Variants in HSD17B4 observed in about 807,000 individuals in gnomAD.
The protein encoded by HSD17B4 is peroxisomal multifunctional enzyme type 2.
HSD17B4 carries 70 observed loss-of-function variants against 101.0 expected under a neutral mutation model. The ratio of observed to expected loss-of-function variants is 0.69; its 90% CI spans 0.57 to 0.85. HSD17B4 has a LOEUF of 0.85. Among genes scored for constraint, HSD17B4 ranks in the 40% least tolerant of loss-of-function variants. HSD17B4 has a pLI of 0.00. For missense variants in HSD17B4, 984 were observed against 892.4 expected, an observed-to-expected ratio of 1.10 and a Z score of -1.31; for synonymous variants, 347 against 297.1, an observed-to-expected ratio of 1.17 and a Z score of -1.73.
At chr5:119,527,502 C>T (rs559779197) in intron 20 of HSD17B4, among the ~76,000 whole-genome samples, 1 of 152,054 alleles carries the variant, frequency 6.6e-6, no homozygotes, top group African/African-American at 2.4e-5. Context: ...GAAAACCCAG[C>T]CAACCATGTC....
At position 119,533,530 on chromosome 5, in the gene HSD17B4, A is replaced by G. The variant is rs1236365282; in HGVS notation, c.1993+2126A>G. On this transcript the variant is annotated intron_variant, in intron 22 of 23. Transcript: ENST00000510025. ...GAGGAATGAGAAAGAGTCAAAACTA[A>G]TACTGTGGTTTTGAGCTTGTGTGCT... Among the ~76,000 whole-genome samples the G allele has an allele frequency of 3.3e-5, 5 of 152,106 alleles. No individual in the cohort carries two copies. The East Asian group carries it at 9.6e-4, about 29-fold the overall frequency.
At chr5:119,473,845 C>G (rs1242844220) in intron 2 of HSD17B4, 63 bp from the exon 3 acceptor site, 37 of 966,026 alleles carry the variant, frequency 3.8e-5, no homozygotes, top group South Asian at 2.9e-4. Context: ...TTTCCACACA[C>G]ACACACACAC....
intron 14 of HSD17B4, 146 bp from the exon 15 acceptor site, chr5:119,506,672 G>A: frequency 1.9e-6 from 1 of 533,214 alleles, no homozygotes; most frequent in Non-Finnish European, 3.5e-6. Context: ...ATCCTCTGCA[G>A]CATCTGTTGT....
intron 20 of HSD17B4, 27 bp from the exon 21 acceptor site, chr5:119,529,867 A>G (rs1753905065): frequency 7.6e-7 from 1 of 1,310,830 alleles, no homozygotes; most frequent in Non-Finnish European, 1.1e-6. Context: ...ATCAGAATAA[A>G]TCTTTTTTTT....
intron 14 of HSD17B4, among the ~76,000 whole-genome samples, chr5:119,505,668 G>A (rs969605148): frequency 2.6e-5 from 4 of 151,646 alleles, no homozygotes; most frequent in Non-Finnish European, 4.4e-5. Context: ...GTGTTCTCTA[G>A]GTATAGAATG....
intron 23 of HSD17B4, among the ~76,000 whole-genome samples, chr5:119,539,903 A>G (rs1410573686): frequency 7.4e-6 from 1 of 134,520 alleles, no homozygotes; most frequent in East Asian, 2.2e-4. Flanking sequence ...TGGGTGAGAC[A>G]GTGAGACCCT....
intron 14 of HSD17B4, among the ~76,000 whole-genome samples, chr5:119,503,159 A>G (rs1171942910): frequency 6.7e-6 from 1 of 150,186 alleles, no homozygotes; most frequent in African/African-American, 2.5e-5. Context: ...TGTTGGTGAC[A>G]GTGGCTAGGA....
chr5:119,465,896 T>A (rs1755760241), intron 2 of HSD17B4, among the ~76,000 whole-genome samples: 1 of 152,248 alleles, frequency 6.6e-6, no homozygotes, highest in South Asian at 2.1e-4. Context: ...ATTTTTATTT[T>A]GTTCCAGTTT....
At chr5:119,537,075 A>G (rs1358169240) in intron 23 of HSD17B4, among the ~76,000 whole-genome samples, 1 of 152,146 alleles carries the variant, frequency 6.6e-6, no homozygotes, top group African/African-American at 2.4e-5. Context: ...AATGGAGGAG[A>G]AAAATTTGTT....
At chr5:119,456,585 T>C in intron 2 of HSD17B4, 1 of 554,456 alleles carries the variant, frequency 1.8e-6, no homozygotes, top group Non-Finnish European at 3.2e-6. Context: ...ACAGAATTGA[T>C]AACGAAGGGC....
chr5:119,486,871 A>G (rs1198744440), intron 8 of HSD17B4, among the ~76,000 whole-genome samples: 1 of 152,076 alleles, frequency 6.6e-6, no homozygotes, highest in Non-Finnish European at 1.5e-5. Context: ...TTTCTATTCC[A>G]TTGTAGTTCA....
At chr5:119,527,047 C>G (rs1305054224) in intron 19 of HSD17B4, 86 bp from the exon 20 acceptor site, 1 of 760,706 alleles carries the variant, frequency 1.3e-6, no homozygotes, top group South Asian at 1.5e-5. Context: ...CTTTTGTGCT[C>G]TCTAGTTTCC....
At chr5:119,454,125 A>C (rs2126598750) in intron 1 of HSD17B4, among the ~76,000 whole-genome samples, 1 of 152,316 alleles carries the variant, frequency 6.6e-6, no homozygotes. Context: ...TTCATGATAT[A>C]GTGTGTAGTA....
intron 23 of HSD17B4, among the ~76,000 whole-genome samples, chr5:119,536,977 T>G (rs1355569485): frequency 6.6e-6 from 1 of 152,134 alleles, no homozygotes; most frequent in Non-Finnish European, 1.5e-5. Context: ...AAGAGTGCCT[T>G]CTGTGACGAT....
At chr5:119,540,727 C>G (rs1490916171) in intron 23 of HSD17B4, among the ~76,000 whole-genome samples, 1 of 152,170 alleles carries the variant, frequency 6.6e-6, no homozygotes, top group African/African-American at 2.4e-5. Flanking sequence ...TTCTCCAGTT[C>G]ACGAGGGTTT....
chr5:119,474,449 T>C lies in HSD17B4; in HGVS notation c.269T>C (p.Phe90Ser). ...GTTGTGAAGACAGCCCTGGATGCTT[T>C]TGGAAGAATAGGTGATGTTTCTTTG... ...EKVVKTALDA[F>S]GRIDVVVNNA... Residue 90 changes from phenylalanine to serine, a missense_variant, in exon 4 of 24, where the codon TTT becomes TCT. Physicochemically the swap from Phe to Ser is radical, Grantham distance 155. Transcript: ENST00000510025. 1.9e-6 allele frequency: 3 copies of C among 1,601,116 alleles called. No homozygotes were observed. The highest frequency in any genetic ancestry group is 2.6e-6 in the Non-Finnish European group (3 of 1,168,228).
intron 13 of HSD17B4, among the ~76,000 whole-genome samples, chr5:119,500,466 A>T (rs1561464504): frequency 1.3e-5 from 2 of 152,022 alleles, no homozygotes; most frequent in Non-Finnish European, 2.9e-5. Context: ...ATACATACAC[A>T]TTTATTTTAA....
intron 13 of HSD17B4, 90 bp from the exon 14 acceptor site, chr5:119,501,951 G>C (rs957381445): frequency 2.5e-6 from 2 of 791,812 alleles, no homozygotes; most frequent in East Asian, 2.5e-5. Context: ...CCTGTGGATG[G>C]TAAAATGTCA....
intron 15 of HSD17B4, 46 bp downstream of exon 15, chr5:119,506,935 C>G: frequency 1.0e-6 from 1 of 986,454 alleles, no homozygotes; most frequent in Non-Finnish European, 1.6e-6. Flanking sequence ...GATTGATAGG[C>G]TTTGTGTATG....
Sources: gnomAD v4.1 joint callset for allele counts (sites outside exome capture counted in the v4.1 genomes callset) on GRCh38, gnomAD v4.1.1 for gene constraint, MANE v1.5 for transcripts, NCBI Gene and HGNC (gene_info 2026-07-23, HGNC 2026-07-21) for gene names.